Variants in RBFOX1 observed in about 807,000 individuals in gnomAD.
The protein encoded by RBFOX1 is RNA binding fox-1 homolog 1.
RBFOX1 carries 8 observed loss-of-function variants against 57.7 expected under a neutral mutation model. The observed-to-expected ratio is 0.14, with a 90% CI of 0.08 to 0.25. RBFOX1 has a LOEUF of 0.25. RBFOX1 is among the 10% of genes least tolerant of loss of function. The pLI, the probability that RBFOX1 is intolerant of heterozygous loss-of-function variation, is 1.00. For synonymous variants in RBFOX1, 326 were observed against 222.4 expected, an observed-to-expected ratio of 1.47 and a Z score of -4.15; for missense variants, 611 against 548.5, an observed-to-expected ratio of 1.11 and a Z score of -1.14.
intron 3 of RBFOX1, among the ~76,000 whole-genome samples, chr16:6,850,325 C>T (rs911283417): frequency 3.9e-5 from 6 of 152,120 alleles, no homozygotes; most frequent in Non-Finnish European, 8.8e-5. Flanking sequence ...GAATAAACTA[C>T]GTTGTTCTAC....
chr16:7,174,316 C>G (rs1489835167), intron 4 of RBFOX1, among the ~76,000 whole-genome samples: 1 of 152,060 alleles, frequency 6.6e-6, no homozygotes, highest in Admixed American at 6.6e-5. Context: ...TCCATTTACC[C>G]ATTTATTGAT....
chr16:7,700,557 T>G (rs1039482336), intron 14 of RBFOX1, among the ~76,000 whole-genome samples: 3 of 152,122 alleles, frequency 2.0e-5, no homozygotes, highest in Non-Finnish European at 2.9e-5. Flanking sequence ...GGTGCCATGG[T>G]GATTTCAAAG....
At chr16:7,315,159 T>C (rs2096408493) in intron 4 of RBFOX1, among the ~76,000 whole-genome samples, 1 of 152,076 alleles carries the variant, frequency 6.6e-6, no homozygotes, top group Non-Finnish European at 1.5e-5. Flanking sequence ...TTTCATTTTG[T>C]GTGTGGTGAT....
Position 6,637,955 on chromosome 16 carries a change from T to G in RBFOX1, c.-63-16648T>G, listed in dbSNP as rs115211809. Among the ~76,000 whole-genome samples, 1,447 of 152,228 alleles carry G rather than the reference T, an allele frequency of 9.5e-3. 29 individuals carry two copies. Among genetic ancestry groups the G allele is most frequent in the African/African-American group, 0.033 (1,354 of 41,544 alleles). ...GACAAAGTCTCTGTGCTTCAGTATATTAGCCTTCATAATTTTCAACACCCA... is the reference window on the plus strand; with the variant it reads ...GACAAAGTCTCTGTGCTTCAGTATAGTAGCCTTCATAATTTTCAACACCCA... On this transcript the variant is annotated intron_variant, in intron 2 of 15. Coordinates refer to ENST00000550418, the MANE Select transcript of RBFOX1 (RefSeq NM_018723.4).
chr16:6,538,507 A>T (rs116255504), intron 2 of RBFOX1, among the ~76,000 whole-genome samples: 2,164 of 152,236 alleles, frequency 0.014, 53 homozygotes, highest in African/African-American at 0.043. Context: ...AAAAAAGCAA[A>T]AAATGCATAT....
At chr16:6,809,093 G>C (rs1376991440) in intron 3 of RBFOX1, among the ~76,000 whole-genome samples, 1 of 152,158 alleles carries the variant, frequency 6.6e-6, no homozygotes, top group East Asian at 1.9e-4. Flanking sequence ...AGACTGCTAA[G>C]TGTTCAAAAA....
intron 2 of RBFOX1, chr16:6,573,998 C>G (rs751404557): frequency 1.1e-4 from 17 of 152,420 alleles, no homozygotes; most frequent in Non-Finnish European, 1.9e-4. Context: ...CCTCCGCGGG[C>G]GTTGAGGCAG....
chr16:6,823,498 C>T (rs1310050228), intron 3 of RBFOX1, among the ~76,000 whole-genome samples: 1 of 151,750 alleles, frequency 6.6e-6, no homozygotes, highest in Non-Finnish European at 1.5e-5. Context: ...CTCAGGTCAT[C>T]TGTATGCCTC....
chr16:6,067,424 G>A (rs913585729), intron 1 of RBFOX1, among the ~76,000 whole-genome samples: 2 of 151,886 alleles, frequency 1.3e-5, no homozygotes, highest in Admixed American at 1.3e-4. Context: ...GAAAATACAA[G>A]CGAATGCCTG....
At chr16:5,609,695 C>T (rs74004420) in intron 3 of RBFOX1, among the ~76,000 whole-genome samples, 2,655 of 152,296 alleles carry the variant, frequency 0.017, 83 homozygotes, top group African/African-American at 0.059. Flanking sequence ...GACTGTTTTT[C>T]ATGGTCCTCA....
intron 4 of RBFOX1, among the ~76,000 whole-genome samples, chr16:5,904,276 T>A (rs1249137618): frequency 6.6e-6 from 1 of 152,060 alleles, no homozygotes; most frequent in Non-Finnish European, 1.5e-5. Flanking sequence ...AAATAAGAAA[T>A]CTGCATGCCA....
At chr16:5,592,214 C>G (rs564932906) in intron 2 of RBFOX1, among the ~76,000 whole-genome samples, 86 of 151,922 alleles carry the variant, frequency 5.7e-4, no homozygotes, top group Non-Finnish European at 8.4e-4. Context: ...TTGACTGGGG[C>G]GAAGCTCTTT....
intron 2 of RBFOX1, among the ~76,000 whole-genome samples, chr16:6,420,179 G>C (rs946576035): frequency 6.6e-6 from 1 of 152,024 alleles, no homozygotes; most frequent in South Asian, 2.1e-4. Flanking sequence ...ATGAAAGGGA[G>C]AACTCTTTCC....
intron 1 of RBFOX1, among the ~76,000 whole-genome samples, chr16:5,291,216 G>A (rs1422429829): frequency 6.6e-6 from 1 of 151,662 alleles, no homozygotes; most frequent in African/African-American, 2.4e-5. Context: ...ATGTAGGGAT[G>A]GACTGAGATA....
chr16:5,996,332 G>A (rs1001936106), intron 4 of RBFOX1, among the ~76,000 whole-genome samples: 2 of 152,146 alleles, frequency 1.3e-5, no homozygotes, highest in Non-Finnish European at 2.9e-5. Context: ...CCTCTGATTT[G>A]AAACCCATGA....
intron 12 of RBFOX1, among the ~76,000 whole-genome samples, chr16:7,656,576 A>G (rs770632011): frequency 6.6e-6 from 1 of 152,222 alleles, no homozygotes; most frequent in Non-Finnish European, 1.5e-5. Context: ...GGTGGTCCAG[A>G]GAGCAGATTT....
At chr16:7,267,547 T>TA (rs898154153) in intron 4 of RBFOX1, among the ~76,000 whole-genome samples, 21 of 146,454 alleles carry the variant, frequency 1.4e-4, no homozygotes, top group East Asian at 4.2e-4. Flanking sequence ...ACAAAAAATT[T>TA]AAAAAAATAA....
chr16:6,645,819 C>T (rs983724708), intron 2 of RBFOX1, among the ~76,000 whole-genome samples: 2 of 152,094 alleles, frequency 1.3e-5, no homozygotes, highest in African/African-American at 4.8e-5. Context: ...TAGCCACAAA[C>T]GAGGCAACCA....
intron 1 of RBFOX1, among the ~76,000 whole-genome samples, chr16:5,372,493 C>G (rs1255011073): frequency 6.6e-6 from 1 of 152,196 alleles, no homozygotes; most frequent in African/African-American, 2.4e-5. Flanking sequence ...AAAAGAAATG[C>G]TCAGTCTCCA....
Sources: gnomAD v4.1 joint callset for allele counts (sites outside exome capture counted in the v4.1 genomes callset) on GRCh38, gnomAD v4.1.1 for gene constraint, MANE v1.5 for transcripts, NCBI Gene and HGNC (gene_info 2026-07-23, HGNC 2026-07-21) for gene names.